Variants in URGCP observed in about 807,000 individuals in gnomAD.
The protein encoded by URGCP is up-regulator of cell proliferation.
A neutral mutation model predicts 24.6 loss-of-function variants in URGCP; 13 were observed. The observed-to-expected ratio is 0.53, with a 90% CI of 0.34 to 0.84. The LOEUF (loss-of-function observed/expected upper bound fraction) is 0.84. Among genes scored for constraint, URGCP ranks in the 40% least tolerant of loss-of-function variants. The pLI is 0.01. For synonymous variants in URGCP, 444 were observed against 487.2 expected, an observed-to-expected ratio of 0.91 and a Z score of 1.17; for missense variants, 899 against 1,194.3, an observed-to-expected ratio of 0.75 and a Z score of 3.64.
At chr7:43,902,752 A>G in intron 1 of URGCP, among the ~76,000 whole-genome samples, 1 of 152,210 alleles carries the variant, frequency 6.6e-6, no homozygotes, top group East Asian at 1.9e-4. Flanking sequence ...AATCCTTAAA[A>G]TCTGGTGGTG....
At chr7:43,919,147 C>T in intron 1 of URGCP, 6 of 861,874 alleles carry the variant, frequency 7.0e-6, no homozygotes, top group Non-Finnish European at 1.2e-5. Context: ...GGCCTGGGCT[C>T]CTACCTCTTA....
intron 1 of URGCP, among the ~76,000 whole-genome samples, chr7:43,916,899 A>T (rs1354120009): frequency 1.3e-5 from 2 of 152,166 alleles, no homozygotes; most frequent in African/African-American, 4.8e-5. Flanking sequence ...CCCTCTTTCT[A>T]GATGAGTAGG....
intron 1 of URGCP, chr7:43,888,144 T>C: frequency 4.6e-6 from 1 of 219,278 alleles, no homozygotes; most frequent in Non-Finnish European, 8.9e-6. Flanking sequence ...GTTAACACTG[T>C]GGTCTGGAAG....
At chr7:43,891,088 C>T (rs370177255) in intron 1 of URGCP, among the ~76,000 whole-genome samples, 37 of 152,274 alleles carry the variant, frequency 2.4e-4, no homozygotes, top group African/African-American at 8.2e-4. Flanking sequence ...AAGTAATTAC[C>T]GACTAGGGGA....
chr7:43,881,262 C>A (rs1259820595), intron 5 of URGCP: 2 of 702,456 alleles, frequency 2.8e-6, no homozygotes, highest in South Asian at 3.0e-5. Flanking sequence ...AAGCTCTGGG[C>A]CCAGTATCCT....
chr7:43,925,815 T>TTTTTTA (rs1554293880), intron 1 of URGCP, among the ~76,000 whole-genome samples: 1 of 144,838 alleles, frequency 6.9e-6, no homozygotes, highest in African/African-American at 2.5e-5. Flanking sequence ...TTTTTTTTTT[T>TTTTTTA]CAAAAAAATG....
At chr7:43,892,770 TG>T (rs2095872894) in intron 1 of URGCP, among the ~76,000 whole-genome samples, 1 of 151,674 alleles carries the variant, frequency 6.6e-6, no homozygotes, top group Non-Finnish European at 1.5e-5. Flanking sequence ...AAAAATGGGG[TG>T]GGGGTGTCCC....
At chr7:43,895,774 C>A (rs914094372) in intron 1 of URGCP, among the ~76,000 whole-genome samples, 41 of 152,168 alleles carry the variant, frequency 2.7e-4, no homozygotes, top group African/African-American at 9.9e-4. Context: ...TTATGGAAAA[C>A]CTTTATGGAG....
intron 1 of URGCP, among the ~76,000 whole-genome samples, chr7:43,922,784 G>A (rs565721529): frequency 3.3e-5 from 5 of 152,016 alleles, no homozygotes; most frequent in Admixed American, 3.3e-4. Context: ...GTCTTGCCAT[G>A]TTGCCCAAGC....
In URGCP at chr7:43,881,896, G is replaced by C. The variant is rs751823120; in HGVS notation, c.163+11C>G. 2 of 1,613,708 alleles carry C rather than the reference G, an allele frequency of 1.2e-6. No individual in the cohort carries two copies. Among genetic ancestry groups the C allele is most frequent in the Middle Eastern group, 3.3e-4 (2 of 6,060 alleles). ...CCAGTCCAATCTGTTGCCAAATCCT[G>C]TAGTTTCTACCTCCATAACGGAACT... On this transcript the variant is annotated intron_variant, in intron 4 of 5. Transcript: ENST00000453200.
At chr7:43,899,016 C>T (rs886924436) in intron 1 of URGCP, among the ~76,000 whole-genome samples, 1 of 149,560 alleles carries the variant, frequency 6.7e-6, no homozygotes, top group African/African-American at 2.4e-5. Context: ...TGCCTGTAAT[C>T]CCAGCTACTC....
rs190802227 is a variant in URGCP at position 43,886,897 on chromosome 7, C to T, written c.112+518G>A. On this transcript the variant is annotated intron_variant, in intron 3 of 5. Coordinates refer to ENST00000453200, the MANE Select transcript of URGCP (RefSeq NM_001077663.3). ...TACAAAGGGTGGCGTTACAGCCCCA[C>T]CCCCAAATCCTCAGAGAAAGAAAAA... Among the ~76,000 whole-genome samples, 396 of 152,266 alleles carry T rather than the reference C, an allele frequency of 2.6e-3. 2 individuals are homozygous for T. Among genetic ancestry groups the T allele is most frequent in the African/African-American group, 8.9e-3 (370 of 41,540 alleles).
intron 1 of URGCP, 127 bp downstream of exon 1, chr7:43,906,428 TGGCGGGC>T (rs2095903040): frequency 3.1e-6 from 3 of 980,564 alleles, no homozygotes; most frequent in Non-Finnish European, 2.4e-6. Context: ...CTGGTGGGCC[TGGCGGGC>T]GGGGGCGCCC....
chr7:43,922,633 C>T (rs1325493596), intron 1 of URGCP, among the ~76,000 whole-genome samples: 1 of 152,134 alleles, frequency 6.6e-6, no homozygotes. Context: ...GAATGGGGCT[C>T]ACAGCAACCT....
In URGCP at chr7:43,877,109, G is replaced by A. The variant is rs200059472; in HGVS notation, c.2354C>T (p.Thr785Ile). 4.3e-4 allele frequency: 695 copies of A among 1,614,122 alleles called. No individual in the cohort carries two copies. Among genetic ancestry groups the A allele is most frequent in the Non-Finnish European group, 5.7e-4 (670 of 1,180,044 alleles). The part of the protein sequence containing the change: ...ATLLMGLSNV[T>I]VISLAETKDI... ...CTTGGTTTCAGCTAGACTGATCACG[G>A]TGACATTGCTCAGTCCCATGAGCAG... is the stretch of plus-strand genomic sequence containing the variant. Residue 785 changes from threonine (T) to isoleucine (I), a missense_variant, in exon 6 of 6, where the codon ACC becomes ATC. Coordinates refer to ENST00000453200, the MANE Select transcript of URGCP (RefSeq NM_001077663.3).
At chr7:43,903,523 T>C (rs2095895428) in intron 1 of URGCP, among the ~76,000 whole-genome samples, 1 of 152,150 alleles carries the variant, frequency 6.6e-6, no homozygotes, top group Non-Finnish European at 1.5e-5. Context: ...AAATTATCCA[T>C]CAGTAACAAT....
In URGCP at chr7:43,887,492, C is replaced by A. The variant is rs770339588; in HGVS notation, c.42-7G>T. ...TTCTCCCAAATCTGAATGCCTGAAA[C>A]AATTTCAGAAGAAAATTATAATTAA... is the stretch of plus-strand genomic sequence containing the variant. On this transcript the variant is annotated splice_region_variant and splice_polypyrimidine_tract_variant and intron_variant, in intron 2 of 5. Coordinates refer to ENST00000453200, the MANE Select transcript of URGCP (RefSeq NM_001077663.3). 6.2e-7 allele frequency: 1 copy of A among 1,613,428 alleles called. No individual in the cohort carries two copies. The highest frequency in any genetic ancestry group is 2.2e-5 in the East Asian group (1 of 44,872).
At chr7:43,883,700 G>A (rs1462276999) in intron 3 of URGCP, among the ~76,000 whole-genome samples, 2 of 151,932 alleles carry the variant, frequency 1.3e-5, no homozygotes, top group Non-Finnish European at 1.5e-5. Flanking sequence ...ATCAAGATTC[G>A]GATATTTTCA....
At chr7:43,893,877 A>C (rs1233354134) in intron 1 of URGCP, among the ~76,000 whole-genome samples, 1 of 152,216 alleles carries the variant, frequency 6.6e-6, no homozygotes, top group East Asian at 1.9e-4. Flanking sequence ...TCACACAAAA[A>C]GAAAAGAAAG....
Sources: allele counts gnomAD v4.1 joint callset (sites outside exome capture counted in the v4.1 genomes callset), GRCh38; gene constraint gnomAD v4.1.1; transcripts MANE v1.5; gene names NCBI Gene and HGNC (gene_info 2026-07-23, HGNC 2026-07-21).